Variants in WDR4 observed in about 807,000 individuals in gnomAD.
WDR4 encodes tRNA (guanine-N(7)-)-methyltransferase non-catalytic subunit WDR4.
In WDR4, 47 loss-of-function variants were observed where a neutral mutation model predicts 48.6. The ratio of observed to expected loss-of-function variants is 0.97; its 90% CI spans 0.77 to 1.23. WDR4 has a LOEUF of 1.23. Ranked by LOEUF, WDR4 falls within the 50% of genes most tolerant of loss-of-function variation. The pLI is 0.00. For synonymous variants in WDR4, 268 were observed against 230.0 expected (o/e 1.17, Z -1.49); for missense variants, 606 against 551.6 (o/e 1.10, Z -0.99).
At chr21:42,892,271 T>G in the WDR4 span, among the ~76,000 whole-genome samples, 1 of 76,450 alleles carries the variant, frequency 1.3e-5, no homozygotes, top group African/African-American at 5.5e-5. Flanking sequence ...AAAAAAAAAT[T>G]TAAACAAAAA....
At chr21:42,881,149 G>A (rs1013689774), upstream of WDR4, among the ~76,000 whole-genome samples, 21 of 152,082 alleles carry the variant, frequency 1.4e-4, no homozygotes, top group Admixed American at 1.4e-3. Context: ...CTTGTGATCC[G>A]CCTGCCTCGG....
At chr21:42,863,863 T>C (rs1294603832) in intron 3 of WDR4, among the ~76,000 whole-genome samples, 15 of 148,736 alleles carry the variant, frequency 1.0e-4, no homozygotes, top group East Asian at 3.9e-4. Context: ...TCCCAGCACT[T>C]TGGGAGGCCG....
chr21:42,867,579 C>T (rs2058277282), intron 3 of WDR4, among the ~76,000 whole-genome samples: 2 of 152,124 alleles, frequency 1.3e-5, no homozygotes, highest in Admixed American at 1.3e-4. Flanking sequence ...GCTCAGCATC[C>T]CTAACCTAAA....
intron 10 of WDR4, among the ~76,000 whole-genome samples, chr21:42,851,963 G>A (rs2057841627): frequency 6.6e-6 from 1 of 152,216 alleles, no homozygotes; most frequent in Non-Finnish European, 1.5e-5. Flanking sequence ...GCCACCAGCT[G>A]CCAGCCCTGC....
rs188277068 is a variant in WDR4 at position 42,868,827 on chromosome 21, T to C, written c.296+4724A>G. 1.5e-4 allele frequency among the ~76,000 whole-genome samples: 23 copies of C among 152,352 alleles called. No homozygotes were observed. In the East Asian group the frequency reaches 1.9e-3, roughly 13 times the overall value. ...GCTTCGCCGTGTCTGTTGTCACACA[T>C]TGGTGCCAGTAAACCCACACTGTCC... On this transcript the variant is annotated intron_variant, in intron 3 of 10. Coordinates refer to ENST00000398208, the MANE Select transcript of WDR4 (RefSeq NM_018669.6).
intron 2 of WDR4, 50 bp from the exon 3 acceptor site, chr21:42,873,741 C>G (rs111285110): frequency 6.3e-7 from 1 of 1,588,158 alleles, no homozygotes; most frequent in Non-Finnish European, 8.6e-7. Flanking sequence ...GGAAATAAGG[C>G]TGCATTCCTT....
chr21:42,875,121 C>T (rs915731683), intron 2 of WDR4, among the ~76,000 whole-genome samples: 4 of 152,142 alleles, frequency 2.6e-5, no homozygotes, highest in East Asian at 1.9e-4. Flanking sequence ...CGTGAAATAT[C>T]GGGGGTGAAT....
rs151316851 is a variant in WDR4, at chr21:42,873,685, G to T, written c.162C>A (p.Asp54Glu). Reference sequence around the variant, plus strand: ...CACCGCTCCCCTGGTCCAAGGGCGCGTCCTCCCTGAGGAAGAGAGGAGGAA... The same window carrying T: ...CACCGCTCCCCTGGTCCAAGGGCGCTTCCTCCCTGAGGAAGAGAGGAGGAA... ...EKKSQENKGE[D>E]APLDQGSGAI... Residue 54 changes from aspartate (D) to glutamate (E), a missense_variant, in exon 3 of 11, where the codon GAC becomes GAA. Transcript: ENST00000398208. The T allele has an allele frequency of 8.7e-6, 14 of 1,613,682 alleles. No individual in the cohort carries two copies. In the African/African-American group the frequency reaches 1.1e-4, roughly 12 times the overall value.
At chr21:42,851,722 G>A (rs1201811620) in intron 10 of WDR4, among the ~76,000 whole-genome samples, 5 of 152,130 alleles carry the variant, frequency 3.3e-5, no homozygotes, top group East Asian at 3.9e-4. Context: ...TCCTGCAGCC[G>A]CAGCCACGGG....
intron 10 of WDR4, among the ~76,000 whole-genome samples, chr21:42,851,510 G>C (rs528923645): frequency 3.9e-5 from 6 of 152,214 alleles, no homozygotes; most frequent in East Asian, 1.9e-4. Flanking sequence ...GTTTAGCTTT[G>C]CAAGACTTCA....
chr21:42,845,189 G>C (rs572992265), downstream of WDR4, among the ~76,000 whole-genome samples: 1 of 152,338 alleles, frequency 6.6e-6, no homozygotes, highest in South Asian at 2.1e-4. Context: ...AGGGAAGTCA[G>C]CAAAGTATAT....
chr21:42,861,493 G>C (rs1236606224), intron 5 of WDR4, among the ~76,000 whole-genome samples: 1 of 152,124 alleles, frequency 6.6e-6, no homozygotes, highest in East Asian at 1.9e-4. Flanking sequence ...CGTGCCTGGC[G>C]AGGCAAGGGA....
intron 7 of WDR4, 91 bp downstream of exon 7, chr21:42,855,591 T>G: frequency 1.0e-6 from 1 of 1,003,734 alleles, no homozygotes; most frequent in Non-Finnish European, 1.4e-6. Flanking sequence ...GAGCAAACGT[T>G]TCCAACGGCG....
chr21:42,859,253 A>T (rs2058060392), intron 6 of WDR4, among the ~76,000 whole-genome samples: 1 of 152,042 alleles, frequency 6.6e-6, no homozygotes, highest in Non-Finnish European at 1.5e-5. Context: ...TCTTAAAAAA[A>T]AAGAAAGAAA....
intron 1 of WDR4, among the ~76,000 whole-genome samples, chr21:42,877,202 G>T (rs7283544): frequency 0.57 from 81,744 of 144,530 alleles, 24,158 homozygotes; most frequent in African/African-American, 0.7. Flanking sequence ...GGAGTGCAAG[G>T]GCATGATCTC....
chr21:42,860,652 G>A (rs1003213960), intron 5 of WDR4, among the ~76,000 whole-genome samples: 4 of 152,284 alleles, frequency 2.6e-5, no homozygotes, highest in African/African-American at 7.2e-5. Context: ...CCACAGCCCA[G>A]GACAGATAGG....
At chr21:42,848,651 G>A (rs1208559393), downstream of WDR4, among the ~76,000 whole-genome samples, 6 of 98,816 alleles carry the variant, frequency 6.1e-5, no homozygotes, top group Admixed American at 1.2e-4. Flanking sequence ...CACACACAGC[G>A]CACGATCACG....
chr21:42,881,157 C>T (rs1024107907), upstream of WDR4, among the ~76,000 whole-genome samples: 1 of 152,178 alleles, frequency 6.6e-6, no homozygotes, highest in East Asian at 1.9e-4. Flanking sequence ...CCGCCTGCCT[C>T]GGCCTCCCAA....
At chr21:42,859,565 C>CCAGCGATCCACAGGGGT in intron 6 of WDR4, 97 bp downstream of exon 6, 1 of 1,356,830 alleles carries the variant, frequency 7.4e-7, no homozygotes. Context: ...CAGCCAGGGG[C>CCAGCGATCCACAGGGGT]CAGCGATCCA....
Sources: gnomAD v4.1 joint callset for allele counts (sites outside exome capture counted in the v4.1 genomes callset) on GRCh38, gnomAD v4.1.1 for gene constraint, MANE v1.5 for transcripts, NCBI Gene and HGNC (gene_info 2026-07-23, HGNC 2026-07-21) for gene names.